Variants in TMPRSS2 observed in about 807,000 individuals in gnomAD.
TMPRSS2 encodes transmembrane protease serine 2.
Under a neutral mutation model 67.4 loss-of-function variants are expected in TMPRSS2, and 59 were observed. The ratio of observed to expected loss-of-function variants is 0.88; its 90% confidence interval spans 0.71 to 1.09. TMPRSS2 has a LOEUF of 1.09. TMPRSS2 is among the 50% of genes least tolerant of loss of function. TMPRSS2 has a pLI of 0.00. For missense variants in TMPRSS2, 668 were observed against 642.7 expected (o/e 1.04, Z -0.43); for synonymous variants, 257 against 257.0 (o/e 1.00, Z 0.00).
chr21:41,481,888 C>A (rs1161179949), intron 5 of TMPRSS2, among the ~76,000 whole-genome samples: 2 of 151,962 alleles, frequency 1.3e-5, no homozygotes, highest in Admixed American at 6.6e-5. Context: ...CATGGAGAAA[C>A]CGATCTCTAC....
intron 13 of TMPRSS2, 132 bp from the exon 14 acceptor site, chr21:41,466,285 T>C: frequency 1.2e-6 from 1 of 849,018 alleles, no homozygotes; most frequent in Non-Finnish European, 1.9e-6. Flanking sequence ...AAAGGGATCA[T>C]TCTTCTCTCC....
intron 5 of TMPRSS2, among the ~76,000 whole-genome samples, chr21:41,485,047 G>A (rs2091285497): frequency 6.6e-6 from 1 of 150,944 alleles, no homozygotes; most frequent in Non-Finnish European, 1.5e-5. Context: ...AATGTGATTG[G>A]CTGGTAAACA....
At chr21:41,497,512 C>T (rs2091392351) in intron 2 of TMPRSS2, among the ~76,000 whole-genome samples, 2 of 152,058 alleles carry the variant, frequency 1.3e-5, no homozygotes. Context: ...AAACACAGAC[C>T]CAGTAAAAAA....
intron 12 of TMPRSS2, chr21:41,468,118 T>C (rs1380608742): frequency 1.6e-6 from 1 of 614,130 alleles, no homozygotes; most frequent in African/African-American, 1.8e-5. Context: ...CTAAATAAAT[T>C]GCCGTTCATA....
chr21:41,488,365 G>A (rs2146466806), intron 5 of TMPRSS2, 29 bp downstream of exon 5: 1 of 1,602,924 alleles, frequency 6.2e-7, no homozygotes, highest in Non-Finnish European at 8.5e-7. Context: ...GAGCAGAGGA[G>A]TCCCTTCCCA....
intron 5 of TMPRSS2, among the ~76,000 whole-genome samples, chr21:41,484,378 C>T (rs1044812937): frequency 2.0e-5 from 3 of 152,114 alleles, no homozygotes; most frequent in Non-Finnish European, 2.9e-5. Context: ...AGGATAGCAA[C>T]GGAAGTAGAA....
rs759090681 is a variant in TMPRSS2, at chr21:41,480,529, T to C, written c.519A>G (p.Gln173=). ...GCCCGTAGTTCTCGTTCCAGTCGTC[T>C]TGGCACACAGGGTGCCAGGACTTCC... ...SQRKSWHPVC[Q]DDWNENYGRA... The change falls in exon 6 of 14, where the codon CAA becomes CAG. Residue 173 remains glutamine (Q), a synonymous_variant. Transcript: ENST00000332149. 2 of 1,613,810 alleles carry C rather than the reference T, an allele frequency of 1.2e-6. No homozygotes were observed. The highest frequency in any genetic ancestry group is 2.2e-5 in the East Asian group (1 of 44,892).
intron 13 of TMPRSS2, among the ~76,000 whole-genome samples, chr21:41,466,947 A>G (rs2091089747): frequency 6.6e-6 from 1 of 152,116 alleles, no homozygotes; most frequent in Non-Finnish European, 1.5e-5. Context: ...GGAACCCCTG[A>G]GACCTTCCCT....
chr21:41,468,054 C>T, intron 12 of TMPRSS2, 168 bp from the exon 13 acceptor site: 1 of 693,344 alleles, frequency 1.4e-6, no homozygotes, highest in Non-Finnish European at 2.4e-6. Context: ...AGAGATGTAA[C>T]CCCCAAAGAG....
chr21:41,484,623 T>A (rs2091281698), intron 5 of TMPRSS2, among the ~76,000 whole-genome samples: 1 of 152,180 alleles, frequency 6.6e-6, no homozygotes. Flanking sequence ...TTTATATGAA[T>A]AATCAATATG....
intron 2 of TMPRSS2, among the ~76,000 whole-genome samples, chr21:41,497,522 A>C (rs1000232927): frequency 6.6e-6 from 1 of 152,236 alleles, no homozygotes; most frequent in African/African-American, 2.4e-5. Flanking sequence ...CCAGTAAAAA[A>C]TGAATATCAG....
rs565903681 is a variant in TMPRSS2 at position 41,468,037 on chromosome 21, T to C, written c.1315-151A>G. On this transcript the variant is annotated intron_variant, in intron 12 of 13. Coordinates refer to ENST00000332149, the MANE Select transcript of TMPRSS2 (RefSeq NM_005656.4). ...TCGAATCTCCACCATCAAGGGGTGA[T>C]GGTAACAGAGATGTAACCCCCAAAG... 3.5e-5 allele frequency: 27 copies of C among 782,580 alleles called. No homozygotes were observed. In the South Asian group the frequency reaches 4.7e-4, roughly 14 times the overall value. The allele number at this position is 782,580 out of a possible 1,614,324, so 48.5% of individuals were successfully genotyped here. A position where few individuals can be genotyped will look rare whatever the true frequency, so the allele number is the denominator to read the frequency against.
chr21:41,505,417 C>T (rs1473736744), intron 1 of TMPRSS2, among the ~76,000 whole-genome samples: 1 of 152,218 alleles, frequency 6.6e-6, no homozygotes, highest in Non-Finnish European at 1.5e-5. Flanking sequence ...AGGGGGACAA[C>T]ACACTCGGAT....
intron 13 of TMPRSS2, among the ~76,000 whole-genome samples, chr21:41,466,367 G>A (rs538588854): frequency 6.6e-6 from 1 of 152,352 alleles, no homozygotes; most frequent in East Asian, 1.9e-4. Flanking sequence ...CGGATGTGGA[G>A]GCCGGCACAA....
rs2091074832 is a variant in TMPRSS2 at position 41,465,256 on chromosome 21, G to A, written c.*886C>T. 1 of 233,760 alleles carries A rather than the reference G, an allele frequency of 4.3e-6. No homozygotes were observed. The highest frequency in any genetic ancestry group is 6.0e-5 in the East Asian group (1 of 16,592). The allele number at this position is 233,760 out of a possible 1,614,324, so 14.5% of individuals were successfully genotyped here. ...TGTGTAGAAACATAACATGGAAACA[G>A]TGTACCTTAAACTGAGCATCCTTGA... is the stretch of plus-strand genomic sequence containing the variant. On this transcript the variant is annotated 3_prime_UTR_variant, in exon 14 of 14. Coordinates refer to ENST00000332149, the MANE Select transcript of TMPRSS2 (RefSeq NM_005656.4).
At chr21:41,504,769 G>C (rs1189043644) in intron 1 of TMPRSS2, among the ~76,000 whole-genome samples, 1 of 152,196 alleles carries the variant, frequency 6.6e-6, no homozygotes, top group East Asian at 1.9e-4. Flanking sequence ...TTGCAAGTCA[G>C]GGCTTCCCAA....
chr21:41,483,306 TTC>T (rs1476832376), intron 5 of TMPRSS2, among the ~76,000 whole-genome samples: 32 of 150,490 alleles, frequency 2.1e-4, no homozygotes, highest in Non-Finnish European at 3.7e-4. Flanking sequence ...CTTCTTCTTC[TTC>T]TTTTTTTTTC....
At chr21:41,482,231 CT>C (rs1237964719) in intron 5 of TMPRSS2, among the ~76,000 whole-genome samples, 1 of 152,104 alleles carries the variant, frequency 6.6e-6, no homozygotes, top group Non-Finnish European at 1.5e-5. Flanking sequence ...GTTGAAGTCG[CT>C]CCCTATTCCC....
At chr21:41,472,127 C>T (rs1345846158) in intron 9 of TMPRSS2, 146 bp from the exon 10 acceptor site, 8 of 636,120 alleles carry the variant, frequency 1.3e-5, no homozygotes, top group African/African-American at 1.8e-5. Context: ...GGAAGAGGTG[C>T]TCGGTCTCCC....
Sources: gnomAD v4.1 joint callset for allele counts (sites outside exome capture counted in the v4.1 genomes callset) on GRCh38, gnomAD v4.1.1 for gene constraint, MANE v1.5 for transcripts, NCBI Gene and HGNC (gene_info 2026-07-23, HGNC 2026-07-21) for gene names.